Variants in LARP1 observed in about 807,000 individuals in gnomAD.
LARP1 encodes the protein La ribonucleoprotein 1, translational regulator.
In LARP1, 36 loss-of-function variants were observed where a neutral mutation model predicts 122.7. The observed-to-expected ratio is 0.29, with a 90% CI of 0.22 to 0.39. LARP1 has a LOEUF of 0.39. LARP1 is among the 10% of genes least tolerant of loss of function. The pLI is 1.00. For synonymous variants in LARP1, 539 were observed against 528.7 expected (o/e 1.02, Z -0.27); for missense variants, 1,040 against 1,403.6 (o/e 0.74, Z 4.14).
At chr5:154,765,622 A>G (rs542158697) in intron 1 of LARP1, among the ~76,000 whole-genome samples, 3 of 152,208 alleles carry the variant, frequency 2.0e-5, no homozygotes, top group East Asian at 1.9e-4. Flanking sequence ...TTAAACTCCT[A>G]GGCTCAAGCA....
chr5:154,804,747 G>A (rs940052838), intron 14 of LARP1: 3 of 456,102 alleles, frequency 6.6e-6, no homozygotes, highest in African/African-American at 4.0e-5. Flanking sequence ...TTGGGGTAGG[G>A]CCCACACTCT....
At chr5:154,719,373 C>T (rs1755714374) in intron 1 of LARP1, among the ~76,000 whole-genome samples, 1 of 152,160 alleles carries the variant, frequency 6.6e-6, no homozygotes, top group African/African-American at 2.4e-5. Context: ...GGGTTTTTAA[C>T]CTTATTGATG....
chr5:154,756,362 G>A, intron 1 of LARP1, 169 bp downstream of exon 1: 2 of 974,876 alleles, frequency 2.1e-6, no homozygotes, highest in South Asian at 3.0e-5. Context: ...CCCCCCCACC[G>A]TACACTCAGG....
In LARP1 at chr5:154,792,780, C is replaced by T. The variant is rs527592111; in HGVS notation, c.723C>T (p.Gly241=). The part of the protein sequence containing the change: ...EKNGDEDCQR[G]GQKKKGNKHK... ...ATGGAGATGAGGATTGCCAGCGAGG[C>T]GGGCAGAAGAAGAAAGGTGAGTGAC... The change falls in exon 4 of 19, where the codon GGC becomes GGT. Residue 241 remains glycine (G), a synonymous_variant. Transcript: ENST00000518297. 86 of 1,613,840 alleles carry T rather than the reference C, an allele frequency of 5.3e-5. No individual in the cohort carries two copies. The highest frequency in any genetic ancestry group is 6.7e-5 in the Non-Finnish European group (79 of 1,179,890).
chr5:154,810,629 AG>A (rs1046973156), intron 16 of LARP1, among the ~76,000 whole-genome samples: 4 of 151,860 alleles, frequency 2.6e-5, no homozygotes, highest in Non-Finnish European at 4.4e-5. Context: ...CTGAGATTAC[AG>A]GCACCCACCA....
rs1376891418 is a variant in LARP1, at chr5:154,814,646, T to A, written c.*550T>A. 6.6e-6 allele frequency: 1 copy of A among 152,550 alleles called. No homozygotes were observed. The highest frequency in any genetic ancestry group is 1.5e-5 in the Non-Finnish European group (1 of 68,064). The allele number at this position is 152,550 out of a possible 1,614,324, so 9.4% of individuals were successfully genotyped here. A position where few individuals can be genotyped will look rare whatever the true frequency, so the allele number is the denominator to read the frequency against. ...GTTTGTCATCACCATATTTTCTCCC[T>A]GCTGTTCCCACCATGCCCTTCTGCC... On this transcript the variant is annotated 3_prime_UTR_variant, in exon 19 of 19. Transcript: ENST00000518297.
At chr5:154,806,958 C>T (rs1013600894) in intron 15 of LARP1, among the ~76,000 whole-genome samples, 3 of 152,174 alleles carry the variant, frequency 2.0e-5, no homozygotes, top group South Asian at 4.1e-4. Context: ...CAGTCATACT[C>T]ATTATACATG....
At chr5:154,684,646 G>A (rs73292525) in intron 1 of LARP1, among the ~76,000 whole-genome samples, 3,646 of 152,244 alleles carry the variant, frequency 0.024, 149 homozygotes, top group African/African-American at 0.083. Flanking sequence ...GGGGTTTGAA[G>A]TCCCACAGTG....
chr5:154,778,497 A>T (rs568283988), intron 1 of LARP1, among the ~76,000 whole-genome samples: 1 of 152,286 alleles, frequency 6.6e-6, no homozygotes, highest in East Asian at 1.9e-4. Flanking sequence ...CAAGCTCCTC[A>T]CATGATAATT....
intron 14 of LARP1, chr5:154,804,962 C>T: frequency 2.2e-6 from 1 of 454,740 alleles, no homozygotes; most frequent in Non-Finnish European, 4.4e-6. Context: ...AGTTGAAAAT[C>T]CGTGTATAAC....
chr5:154,784,913 A>T (rs1287469806), intron 1 of LARP1, among the ~76,000 whole-genome samples: 1 of 152,190 alleles, frequency 6.6e-6, no homozygotes, highest in Non-Finnish European at 1.5e-5. Flanking sequence ...GGCCAGGGTT[A>T]TGGGTTTAGT....
intron 18 of LARP1, among the ~76,000 whole-genome samples, chr5:154,812,915 C>G (rs540489406): frequency 1.0e-3 from 153 of 152,280 alleles, no homozygotes; most frequent in African/African-American, 3.4e-3. Context: ...TTATCTCCAC[C>G]TGGTCCCTCC....
intron 1 of LARP1, 43 bp downstream of exon 1, chr5:154,756,236 C>G: frequency 5.8e-6 from 7 of 1,196,764 alleles, no homozygotes; most frequent in Middle Eastern, 2.9e-4. Flanking sequence ...GGGCCTCTTC[C>G]GGGGACATGG....
At chr5:154,804,872 A>G (rs983074974) in intron 14 of LARP1, 2 of 456,242 alleles carry the variant, frequency 4.4e-6, no homozygotes, top group Admixed American at 2.3e-5. Flanking sequence ...GATGGCACAG[A>G]CTGCAAATAG....
chr5:154,730,420 A>G (rs940292975), intron 1 of LARP1, among the ~76,000 whole-genome samples: 1 of 151,654 alleles, frequency 6.6e-6, no homozygotes, highest in African/African-American at 2.4e-5. Context: ...CACATGTAGA[A>G]AAGTGCACAA....
chr5:154,722,325 T>C (rs971116760), intron 1 of LARP1, among the ~76,000 whole-genome samples: 7 of 152,088 alleles, frequency 4.6e-5, no homozygotes, highest in African/African-American at 9.7e-5. Flanking sequence ...TAGACAATAG[T>C]GCAACACCAG....
rs1393839945 is a variant in LARP1, at chr5:154,804,234, A to G, written c.2473A>G (p.Asn825Asp). Residue 825 changes from asparagine (N) to aspartate (D), a missense_variant, in exon 14 of 19, where the codon AAC becomes GAC. By Grantham distance (23) the Asn-to-Asp change is conservative. Around this residue, in one of 8 missense-constraint regions of LARP1, gnomAD observed 18 missense variants for 60.2 expected, o/e 0.30. Coordinates refer to ENST00000518297, the MANE Select transcript of LARP1 (RefSeq NM_033551.3). ...AAAAAGAAAGACAAGACACAGTTCA[A>G]ACCCACCCTTGGAGAGCCATGTGGG... ...PRKRKTRHSS[N>D]PPLESHVGWV... The G allele has an allele frequency of 2.5e-6, 4 of 1,614,072 alleles. No individual in the cohort carries two copies. Among genetic ancestry groups the G allele is most frequent in the Non-Finnish European group, 3.4e-6 (4 of 1,180,034 alleles).
chr5:154,696,570 TC>T (rs1405867880), intron 1 of LARP1, among the ~76,000 whole-genome samples: 1 of 152,222 alleles, frequency 6.6e-6, no homozygotes, highest in Non-Finnish European at 1.5e-5. Flanking sequence ...CTTACAGTGA[TC>T]CTATAAGGTA....
chr5:154,755,472 TG>T lies in LARP1; in HGVS notation c.-281del. The T allele has an allele frequency of 2.4e-6, 2 of 841,996 alleles. No homozygotes were observed. Among genetic ancestry groups the T allele is most frequent in the Non-Finnish European group, 2.8e-6 (2 of 705,066 alleles). The allele number at this position is 841,996 out of a possible 1,614,324, so 52.2% of individuals were successfully genotyped here. A position where few individuals can be genotyped will look rare whatever the true frequency, so the allele number is the denominator to read the frequency against. ...GACTAGAAGCCTGCCGGGCTCGGGG[TG>T]GGGGCGTCTTGCGAGGAACGGGCGG... On this transcript the variant is annotated 5_prime_UTR_variant, in exon 1 of 19. Coordinates refer to ENST00000518297, the MANE Select transcript of LARP1 (RefSeq NM_033551.3).
Sources: gnomAD v4.1 joint callset for allele counts (sites outside exome capture counted in the v4.1 genomes callset) on GRCh38, gnomAD v4.1.1 for gene constraint, gnomAD v4.1.1 regional missense constraint, MANE v1.5 for transcripts, NCBI Gene and HGNC (gene_info 2026-07-23, HGNC 2026-07-21) for gene names.